Variants in CNTNAP5 observed in about 807,000 individuals in gnomAD.
The protein encoded by CNTNAP5 is contactin associated protein family member 5.
Under a neutral mutation model 150.2 loss-of-function variants are expected in CNTNAP5, and 72 were observed. The observed-to-expected ratio is 0.48, with a 90% CI of 0.40 to 0.58. CNTNAP5 has a LOEUF of 0.58. Ranked by LOEUF, CNTNAP5 falls within the 20% of genes least tolerant of loss-of-function variation. The pLI, the probability that CNTNAP5 is intolerant of heterozygous loss-of-function variation, is 0.00. For missense variants in CNTNAP5, 1,636 were observed against 1,626.2 expected (o/e 1.01, Z -0.10); for synonymous variants, 672 against 619.8 (o/e 1.08, Z -1.25).
At chr2:124,903,823 G>T (rs903907801) in intron 22 of CNTNAP5, among the ~76,000 whole-genome samples, 6 of 152,026 alleles carry the variant, frequency 3.9e-5, no homozygotes, top group African/African-American at 1.5e-4. Flanking sequence ...GGAGGCAAAC[G>T]CAGGAGGATC....
chr2:124,754,552 A>C (rs1406002212), intron 14 of CNTNAP5, among the ~76,000 whole-genome samples: 2 of 151,792 alleles, frequency 1.3e-5, no homozygotes, highest in Non-Finnish European at 2.9e-5. Context: ...GAGATGGGAC[A>C]TTTTCTCTCT....
intron 4 of CNTNAP5, among the ~76,000 whole-genome samples, chr2:124,431,714 ATAT>A (rs1461210865): frequency 6.8e-6 from 1 of 147,362 alleles, no homozygotes; most frequent in East Asian, 1.9e-4. Flanking sequence ...TAATAAATAA[ATAT>A]TATATGTAAT....
chr2:124,310,296 GTC>G (rs973619747), intron 3 of CNTNAP5, among the ~76,000 whole-genome samples: 12 of 152,146 alleles, frequency 7.9e-5, no homozygotes, highest in Admixed American at 2.0e-4. Flanking sequence ...TGGGCTGTGT[GTC>G]TGTGTTTTTG....
chr2:124,375,692 C>A (rs1445304351), intron 3 of CNTNAP5, among the ~76,000 whole-genome samples: 1 of 152,020 alleles, frequency 6.6e-6, no homozygotes. Context: ...TATGATGATG[C>A]AAGTTTTTCA....
intron 7 of CNTNAP5, among the ~76,000 whole-genome samples, chr2:124,496,080 G>A (rs1045390578): frequency 2.0e-5 from 3 of 152,062 alleles, no homozygotes; most frequent in African/African-American, 7.2e-5. Context: ...CACTGTATCC[G>A]TAGTCATGAG....
chr2:124,897,936 AGTGTGTGTGT>A (rs56154943), intron 21 of CNTNAP5, among the ~76,000 whole-genome samples: 7,755 of 142,050 alleles, frequency 0.055, 240 homozygotes, highest in Admixed American at 0.074. Context: ...GCAAATGCCA[AGTGTGTGTGT>A]GTGTGTGTGT....
At chr2:124,110,901 C>G (rs137993564) in intron 1 of CNTNAP5, among the ~76,000 whole-genome samples, 1 of 152,150 alleles carries the variant, frequency 6.6e-6, no homozygotes, top group Admixed American at 6.5e-5. Flanking sequence ...ACCACCAGAA[C>G]GGGGAGCTGA....
rs116385729 is a variant in CNTNAP5 at position 124,557,123 on chromosome 2, A to C, written c.1650-6094A>C. Among the ~76,000 whole-genome samples the C allele has an allele frequency of 6.0e-3, 912 of 152,248 alleles. 12 individuals carry two copies. Among genetic ancestry groups the C allele is most frequent in the African/African-American group, 0.021 (867 of 41,550 alleles). On this transcript the variant is annotated intron_variant, in intron 10 of 23. Coordinates refer to ENST00000682447, the MANE Select transcript of CNTNAP5 (RefSeq NM_001367498.1). ...TTAAGCAATAAAGTTGTTAGGGCCC[A>C]AAAATACAGCTCAATGGACATAAGT...
intron 11 of CNTNAP5, among the ~76,000 whole-genome samples, chr2:124,588,420 T>C (rs373087023): frequency 2.4e-4 from 37 of 151,894 alleles, no homozygotes; most frequent in African/African-American, 8.7e-4. Flanking sequence ...AAGCTCAGAG[T>C]ATGCCAATTG....
intron 1 of CNTNAP5, among the ~76,000 whole-genome samples, chr2:124,196,903 G>C (rs946326896): frequency 6.6e-6 from 1 of 152,186 alleles, no homozygotes; most frequent in African/African-American, 2.4e-5. Flanking sequence ...TCTTCTGCCT[G>C]CAAGGCATGC....
At chr2:124,239,657 T>G (rs946569602) in intron 2 of CNTNAP5, among the ~76,000 whole-genome samples, 6 of 151,478 alleles carry the variant, frequency 4.0e-5, no homozygotes, top group African/African-American at 9.7e-5. Flanking sequence ...TTTTCTATCA[T>G]GTTTTAATAT....
chr2:124,670,553 A>G (rs557196624), intron 13 of CNTNAP5, among the ~76,000 whole-genome samples: 46 of 152,074 alleles, frequency 3.0e-4, no homozygotes, highest in African/African-American at 8.9e-4. Context: ...TAAAGTTTCT[A>G]ATTTTGATGA....
intron 1 of CNTNAP5, among the ~76,000 whole-genome samples, chr2:124,046,048 G>T (rs1024028499): frequency 6.6e-6 from 1 of 152,164 alleles, no homozygotes; most frequent in Non-Finnish European, 1.5e-5. Context: ...AAGGCTCTGA[G>T]ATCCTCATTA....
chr2:124,167,638 C>T (rs1023110999), intron 1 of CNTNAP5, among the ~76,000 whole-genome samples: 19 of 152,192 alleles, frequency 1.2e-4, no homozygotes, highest in Non-Finnish European at 2.8e-4. Context: ...CTCTTCACAT[C>T]TCTTGTTAGG....
At chr2:124,311,095 C>G (rs1475862292) in intron 3 of CNTNAP5, among the ~76,000 whole-genome samples, 1 of 152,188 alleles carries the variant, frequency 6.6e-6, no homozygotes, top group Non-Finnish European at 1.5e-5. Flanking sequence ...CTCACGTCTT[C>G]CTAAGAATCC....
intron 3 of CNTNAP5, among the ~76,000 whole-genome samples, chr2:124,415,263 A>G (rs1222502751): frequency 6.6e-6 from 1 of 152,222 alleles, no homozygotes; most frequent in East Asian, 1.9e-4. Flanking sequence ...GAAATTCCTC[A>G]CCACTAAGTC....
intron 10 of CNTNAP5, among the ~76,000 whole-genome samples, chr2:124,532,305 T>G (rs1695127737): frequency 1.3e-5 from 2 of 152,176 alleles, no homozygotes; most frequent in South Asian, 4.1e-4. Flanking sequence ...AACATTTATG[T>G]GCCTGATGTA....
chr2:124,356,458 T>TC (rs1175140704), intron 3 of CNTNAP5, among the ~76,000 whole-genome samples: 2 of 68,200 alleles, frequency 2.9e-5, no homozygotes, highest in African/African-American at 5.9e-5. Context: ...CCCTCCCCCC[T>TC]CCCCCCACCC....
chr2:124,868,014 C>T (rs1413737082), intron 20 of CNTNAP5, among the ~76,000 whole-genome samples: 1 of 152,112 alleles, frequency 6.6e-6, no homozygotes, highest in African/African-American at 2.4e-5. Flanking sequence ...CTCCTTTTAT[C>T]TCTCCTTCTC....
Sources: gnomAD v4.1 joint callset for allele counts (sites outside exome capture counted in the v4.1 genomes callset) on GRCh38, gnomAD v4.1.1 for gene constraint, MANE v1.5 for transcripts, NCBI Gene and HGNC (gene_info 2026-07-23, HGNC 2026-07-21) for gene names.